Variants in SGCZ observed in about 807,000 individuals in gnomAD.
SGCZ encodes zeta-sarcoglycan.
Under a neutral mutation model 41.3 loss-of-function variants are expected in SGCZ, and 40 were observed. The ratio of observed to expected loss-of-function variants is 0.97; its 90% CI spans 0.75 to 1.26. SGCZ has a LOEUF of 1.26. SGCZ is among the 50% of genes most tolerant of loss of function. The pLI is 0.00. For synonymous variants in SGCZ, 206 were observed against 137.5 expected, an observed-to-expected ratio of 1.50 and a Z score of -3.49; for missense variants, 552 against 369.8, an observed-to-expected ratio of 1.49 and a Z score of -4.04.
intron 2 of SGCZ, among the ~76,000 whole-genome samples, chr8:14,428,473 T>C (rs1279205269): frequency 1.3e-5 from 2 of 152,156 alleles, no homozygotes; most frequent in Non-Finnish European, 2.9e-5. Flanking sequence ...TGTGGTGGTA[T>C]ATTATTTTTA....
intron 2 of SGCZ, among the ~76,000 whole-genome samples, chr8:14,542,646 GT>G (rs558542075): frequency 1.2e-3 from 181 of 152,124 alleles, no homozygotes; most frequent in African/African-American, 3.6e-3. Context: ...AACCAAATTG[GT>G]GTTCCTGGCA....
intron 1 of SGCZ, among the ~76,000 whole-genome samples, chr8:14,700,787 A>G (rs1334727711): frequency 6.6e-6 from 1 of 151,986 alleles, no homozygotes; most frequent in East Asian, 1.9e-4. Flanking sequence ...TACTTAAGCA[A>G]CTATCACTTC....
intron 2 of SGCZ, among the ~76,000 whole-genome samples, chr8:14,363,011 C>G (rs1264714281): frequency 2.0e-5 from 3 of 151,842 alleles, no homozygotes; most frequent in Admixed American, 6.6e-5. Flanking sequence ...TTACGTTGCT[C>G]AATATGTGGA....
chr8:15,221,103 G>A (rs978385912), intron 1 of SGCZ, among the ~76,000 whole-genome samples: 16 of 152,098 alleles, frequency 1.1e-4, no homozygotes, highest in African/African-American at 3.4e-4. Context: ...CATGGCACAT[G>A]TATACCTATG....
chr8:15,060,508 G>A (rs576338779), intron 1 of SGCZ, among the ~76,000 whole-genome samples: 12 of 126,376 alleles, frequency 9.5e-5, no homozygotes, highest in Non-Finnish European at 1.3e-4. Flanking sequence ...ATGACACACC[G>A]GGGCCTGTTG....
intron 2 of SGCZ, among the ~76,000 whole-genome samples, chr8:14,430,578 G>A (rs534124877): frequency 2.0e-5 from 3 of 151,976 alleles, no homozygotes; most frequent in Admixed American, 6.6e-5. Flanking sequence ...ACAAACCCAC[G>A]GCCAACATAA....
chr8:15,156,735 G>C (rs995094803), intron 1 of SGCZ, among the ~76,000 whole-genome samples: 6 of 152,092 alleles, frequency 3.9e-5, no homozygotes, highest in African/African-American at 1.4e-4. Flanking sequence ...CCTGAGGTCA[G>C]GAGTTCAAGA....
chr8:15,019,897 T>C (rs1434300069), intron 1 of SGCZ, among the ~76,000 whole-genome samples: 1 of 150,184 alleles, frequency 6.7e-6, no homozygotes, highest in Non-Finnish European at 1.5e-5. Flanking sequence ...ATTCAAGTAG[T>C]CTCATGCAGA....
At chr8:14,550,461 G>T (rs1203734429) in intron 2 of SGCZ, among the ~76,000 whole-genome samples, 1 of 151,712 alleles carries the variant, frequency 6.6e-6, no homozygotes, top group African/African-American at 2.4e-5. Flanking sequence ...CAAGATATTG[G>T]TAAAGTTTGC....
chr8:14,875,333 A>G (rs1246313846), intron 1 of SGCZ, among the ~76,000 whole-genome samples: 2 of 152,196 alleles, frequency 1.3e-5, no homozygotes, highest in African/African-American at 2.4e-5. Context: ...CCATGACTTA[A>G]TCACCTTCCA....
chr8:14,378,679 C>T (rs1804236711), intron 2 of SGCZ, among the ~76,000 whole-genome samples: 1 of 152,114 alleles, frequency 6.6e-6, no homozygotes, highest in Non-Finnish European at 1.5e-5. Flanking sequence ...CTAGGATTTG[C>T]GATTGGCATC....
At chr8:15,210,929 G>A (rs1377498824) in intron 1 of SGCZ, among the ~76,000 whole-genome samples, 1 of 151,664 alleles carries the variant, frequency 6.6e-6, no homozygotes, top group Non-Finnish European at 1.5e-5. Flanking sequence ...TATTCCCTCA[G>A]TCTTCTATTG....
At chr8:15,221,195 T>C (rs1801589289) in intron 1 of SGCZ, among the ~76,000 whole-genome samples, 1 of 152,134 alleles carries the variant, frequency 6.6e-6, no homozygotes, top group Non-Finnish European at 1.5e-5. Flanking sequence ...TTACATTTAC[T>C]CTAAGAAGTC....
chr8:14,148,063 G>C (rs1803581958), intron 5 of SGCZ, among the ~76,000 whole-genome samples: 1 of 152,020 alleles, frequency 6.6e-6, no homozygotes, highest in South Asian at 2.1e-4. Context: ...ATAGTACTCA[G>C]AGGGACCATT....
In SGCZ at chr8:14,607,718, G is replaced by A. The variant is rs544861929; in HGVS notation, c.40-52792C>T. Among the ~76,000 whole-genome samples the A allele has an allele frequency of 2.2e-4, 33 of 152,232 alleles. 1 individual carries two copies. In the South Asian group the frequency reaches 4.1e-3, roughly 19 times the overall value. The stretch of plus-strand genomic sequence containing the variant: ...CGTGGGATCTACACAATCAAGAAAA[G>A]ATAAATATAAAGTTAAAAGTATCCA... On this transcript the variant is annotated intron_variant, in intron 1 of 7. Coordinates refer to ENST00000382080, the MANE Select transcript of SGCZ (RefSeq NM_139167.4).
intron 1 of SGCZ, among the ~76,000 whole-genome samples, chr8:14,908,755 A>T (rs1799194763): frequency 6.6e-6 from 1 of 151,638 alleles, no homozygotes; most frequent in African/African-American, 2.4e-5. Flanking sequence ...AAAAAAAAAA[A>T]AAAAAAAAGA....
At chr8:14,575,766 C>T (rs1157500122) in intron 1 of SGCZ, among the ~76,000 whole-genome samples, 1 of 151,912 alleles carries the variant, frequency 6.6e-6, no homozygotes, top group Non-Finnish European at 1.5e-5. Flanking sequence ...ACTGGCCTGG[C>T]ATGGCGGAAC....
intron 4 of SGCZ, among the ~76,000 whole-genome samples, chr8:14,228,945 G>T (rs547718677): frequency 6.6e-6 from 1 of 152,130 alleles, no homozygotes; most frequent in Non-Finnish European, 1.5e-5. Flanking sequence ...ATGCAAGAAT[G>T]GTCTTTAGGA....
At chr8:14,626,208 T>C (rs879467763) in intron 1 of SGCZ, among the ~76,000 whole-genome samples, 2 of 152,114 alleles carry the variant, frequency 1.3e-5, no homozygotes, top group African/African-American at 4.8e-5. Context: ...GTTTGTTACA[T>C]AGGTAAACGT....
Sources: gnomAD v4.1 joint callset for allele counts (sites outside exome capture counted in the v4.1 genomes callset) on GRCh38, gnomAD v4.1.1 for gene constraint, MANE v1.5 for transcripts, NCBI Gene and HGNC (gene_info 2026-07-23, HGNC 2026-07-21) for gene names.